The following CD8B variants were observed in gnomAD, a reference collection of about 807,000 sequenced individuals.
CD8B encodes the protein T-cell surface glycoprotein CD8 beta chain.
In CD8B, 6 loss-of-function variants were observed where a neutral mutation model predicts 24.2. The ratio of observed to expected loss-of-function variants is 0.25; its 90% CI spans 0.14 to 0.49. The LOEUF is 0.49. Ranked by LOEUF, CD8B falls within the 20% of genes least tolerant of loss-of-function variation. CD8B has a pLI of 0.98. For synonymous variants in CD8B, 84 were observed against 108.3 expected (o/e 0.78, Z 1.39); for missense variants, 196 against 271.3 (o/e 0.72, Z 1.95).
intron 5 of CD8B, chr2:86,821,761 C>G (rs993786219): frequency 7.0e-5 from 30 of 430,354 alleles, no homozygotes; most frequent in Admixed American, 1.4e-4. Context: ...AGCAAAGAGC[C>G]CCGCTGCAGC....
chr2:86,835,698 G>A (rs1305483905), downstream of CD8B, among the ~76,000 whole-genome samples: 16 of 151,038 alleles, frequency 1.1e-4, no homozygotes, highest in Non-Finnish European at 1.6e-4. Context: ...TCTTCCCCTC[G>A]TAACTTTGCC....
intron 5 of CD8B, among the ~76,000 whole-genome samples, chr2:86,822,551 A>G (rs757833423): frequency 2.6e-5 from 4 of 152,272 alleles, no homozygotes; most frequent in Non-Finnish European, 4.4e-5. Flanking sequence ...AAACGCAGAC[A>G]GCATGCTTGA....
At chr2:86,828,648 C>T (rs1220454406) in intron 5 of CD8B, among the ~76,000 whole-genome samples, 1 of 152,122 alleles carries the variant, frequency 6.6e-6, no homozygotes, top group Non-Finnish European at 1.5e-5. Flanking sequence ...TAAATAGGTA[C>T]AGCCTAAAAT....
In CD8B at chr2:86,845,009, G is replaced by A. The variant is rs769227047; in HGVS notation, c.584-51C>T. 8.4e-6 allele frequency: 13 copies of A among 1,553,980 alleles called. No homozygotes were observed. In the East Asian group the frequency reaches 1.9e-4, roughly 23 times the overall value. On this transcript the variant is annotated intron_variant, in intron 4 of 5. Transcript: ENST00000390655. ...GTCAGTGTGGGCTGTGGGTCACTGC[G>A]CTGAGCCCCAGAGGCCAAGGAGGAT...
At chr2:86,848,197 A>G (rs1286811782) in intron 3 of CD8B, among the ~76,000 whole-genome samples, 3 of 152,244 alleles carry the variant, frequency 2.0e-5, no homozygotes, top group Admixed American at 6.5e-5. Flanking sequence ...AGATGCTGTC[A>G]AATGCCTCCC....
intron 3 of CD8B, among the ~76,000 whole-genome samples, chr2:86,847,547 G>A (rs72936528): frequency 0.019 from 2,870 of 151,736 alleles, 95 homozygotes; most frequent in African/African-American, 0.066. Flanking sequence ...GGGTTTGTTC[G>A]TTTGTTTGTT....
chr2:86,853,645 C>G (rs1676085620), intron 2 of CD8B, among the ~76,000 whole-genome samples: 1 of 152,028 alleles, frequency 6.6e-6, no homozygotes, highest in African/African-American at 2.4e-5. Flanking sequence ...GAGGAAGGCT[C>G]TGGAGCCACA....
At chr2:86,853,303 G>A (rs547646832) in intron 2 of CD8B, among the ~76,000 whole-genome samples, 17 of 151,664 alleles carry the variant, frequency 1.1e-4, no homozygotes, top group Non-Finnish European at 1.8e-4. Context: ...TTAGCCAGGC[G>A]TGGTGGCATA....
Position 86,858,159 on chromosome 2 carries a change from G to T in CD8B, c.301C>A (p.Leu101Ile). The T allele has an allele frequency of 6.2e-7, 1 of 1,614,008 alleles. No individual in the cohort carries two copies. Among genetic ancestry groups the T allele is most frequent in the Non-Finnish European group, 8.5e-7 (1 of 1,179,876 alleles). Residue 101 changes from leucine to isoleucine, a missense_variant, in exon 2 of 6, where the codon CTC becomes ATC. By Grantham distance (5) the Leu-to-Ile change is conservative (BLOSUM62 2). Transcript: ENST00000390655. Reference protein sequence around the residue: ...AVFRDASRFILNLTSVKPEDS... With the variant: ...AVFRDASRFIINLTSVKPEDS... ...TCCGGCTTCACGCTTGTGAGATTGA[G>T]AATGAACCGGCTTGCATCCCGAAAC...
chr2:86,837,035 T>C (rs1348658387), downstream of CD8B, among the ~76,000 whole-genome samples: 1 of 152,080 alleles, frequency 6.6e-6, no homozygotes, highest in Non-Finnish European at 1.5e-5. Context: ...TGCATGCCCA[T>C]AGTCCCAGAA....
At chr2:86,821,569 C>G (rs529080121) in intron 5 of CD8B, among the ~76,000 whole-genome samples, 2 of 152,148 alleles carry the variant, frequency 1.3e-5, no homozygotes, top group Non-Finnish European at 2.9e-5. Context: ...GGGGCACAGG[C>G]CGAGTTCGGT....
intron 5 of CD8B, among the ~76,000 whole-genome samples, chr2:86,832,300 G>A (rs1395294592): frequency 2.0e-5 from 3 of 151,974 alleles, no homozygotes; most frequent in Admixed American, 6.6e-5. Flanking sequence ...CCAACATGGT[G>A]AAACCTCGTC....
intron 5 of CD8B, among the ~76,000 whole-genome samples, chr2:86,844,400 G>A (rs1204010762): frequency 6.6e-6 from 1 of 151,850 alleles, no homozygotes; most frequent in Admixed American, 6.6e-5. Context: ...CCACTGATCT[G>A]TCAAATGAGG....
chr2:86,845,875 G>A (rs1386042622), intron 4 of CD8B, among the ~76,000 whole-genome samples: 10 of 152,206 alleles, frequency 6.6e-5, no homozygotes, highest in Non-Finnish European at 7.3e-5. Flanking sequence ...TCTGTGGGGA[G>A]AGGTCCGTTA....
intron 2 of CD8B, among the ~76,000 whole-genome samples, chr2:86,854,283 G>A (rs894585590): frequency 1.6e-4 from 25 of 152,134 alleles, no homozygotes; most frequent in African/African-American, 5.8e-4. Context: ...CGCCCAACTC[G>A]GCATTCCCTA....
Position 86,856,250 on chromosome 2 carries a change from T to G in CD8B, c.403+1807A>C, listed in dbSNP as rs552837865. ...AAGTCAGGAGTGAGTGCGGTTGGGA[T>G]GGAGGCGGTGGGAAGCTCTGGAAAC... is the stretch of plus-strand genomic sequence containing the variant. On this transcript the variant is annotated intron_variant, in intron 2 of 5. Coordinates refer to ENST00000390655, the MANE Select transcript of CD8B (RefSeq NM_004931.5). 3.9e-5 allele frequency among the ~76,000 whole-genome samples: 6 copies of G among 152,238 alleles called. No individual in the cohort carries two copies. In the East Asian group the frequency reaches 1.2e-3, roughly 29 times the overall value.
chr2:86,815,683 G>A, exon 6 of CD8B: 1 of 1,612,902 alleles, frequency 6.2e-7, no homozygotes, highest in South Asian at 1.1e-5. Context: ...CAGGCATTGG[G>A]GGACAAAGGT....
rs529168893 is a variant in CD8B at position 86,859,493 on chromosome 2, T to C, written c.44-1077A>G. On this transcript the variant is annotated intron_variant, in intron 1 of 5. Transcript: ENST00000390655. Reference sequence around the variant, plus strand: ...TGTTGTCCTGCCTGCCTCTGAGGGTTGGAAATAAATGAAATGCTGTCCAAA... The same window carrying C: ...TGTTGTCCTGCCTGCCTCTGAGGGTCGGAAATAAATGAAATGCTGTCCAAA... Among the ~76,000 whole-genome samples the C allele has an allele frequency of 2.5e-4, 38 of 152,180 alleles. No homozygotes were observed. In the South Asian group the frequency reaches 7.0e-3, roughly 28 times the overall value.
At chr2:86,861,693 C>A (rs1676604118) in intron 1 of CD8B, 130 bp downstream of exon 1, 1 of 581,448 alleles carries the variant, frequency 1.7e-6, no homozygotes, top group Non-Finnish European at 2.5e-6. Context: ...AAGCTGCCTC[C>A]CGGGCGCCCC....
Sources: gnomAD v4.1 joint callset for allele counts (sites outside exome capture counted in the v4.1 genomes callset) on GRCh38, gnomAD v4.1.1 for gene constraint, MANE v1.5 for transcripts, NCBI Gene and HGNC (gene_info 2026-07-23, HGNC 2026-07-21) for gene names.